The following TMEM163 variants were observed in gnomAD, a reference collection of about 807,000 sequenced individuals.
TMEM163 encodes transmembrane protein 163.
TMEM163 carries 17 observed loss-of-function variants against 29.3 expected under a neutral mutation model. The ratio of observed to expected loss-of-function variants is 0.58; its 90% confidence interval spans 0.40 to 0.87. The LOEUF (loss-of-function observed/expected upper bound fraction) is 0.87, where lower values mean the gene tolerates loss of function less well. Among genes scored for constraint, TMEM163 ranks in the 40% least tolerant of loss-of-function variants. The pLI is 0.00. For missense variants in TMEM163, 303 were observed against 381.5 expected, an observed-to-expected ratio of 0.79 and a Z score of 1.71; for synonymous variants, 157 against 160.6, an observed-to-expected ratio of 0.98 and a Z score of 0.17.
At chr2:134,481,441 T>C (rs2106479576) in intron 5 of TMEM163, among the ~76,000 whole-genome samples, 1 of 151,844 alleles carries the variant, frequency 6.6e-6, no homozygotes, top group African/African-American at 2.4e-5. Context: ...AGAGATCTGA[T>C]GGTTTTATAA....
intron 5 of TMEM163, chr2:134,469,252 G>A (rs1043877578): frequency 2.0e-5 from 3 of 151,976 alleles, no homozygotes; most frequent in African/African-American, 4.8e-5. Context: ...TTCATCTCGG[G>A]GGAGCTCTCG....
intron 5 of TMEM163, among the ~76,000 whole-genome samples, chr2:134,488,750 G>A (rs1277711015): frequency 1.3e-5 from 2 of 152,066 alleles, no homozygotes; most frequent in South Asian, 2.1e-4. Context: ...CTGGTACCTG[G>A]AACACAGATA....
intron 2 of TMEM163, among the ~76,000 whole-genome samples, chr2:134,606,642 A>G (rs1682373251): frequency 6.6e-6 from 1 of 152,100 alleles, no homozygotes; most frequent in South Asian, 2.1e-4. Context: ...GCGCCCCAGC[A>G]CCTATAGATG....
chr2:134,701,916 C>CAAAAA (rs71301801), intron 2 of TMEM163, among the ~76,000 whole-genome samples: 48 of 66,458 alleles, frequency 7.2e-4, no homozygotes, highest in African/African-American at 8.9e-4. Context: ...AAAACTGTCT[C>CAAAAA]AAAAAAAAAA....
intron 2 of TMEM163, among the ~76,000 whole-genome samples, chr2:134,641,304 C>G (rs1264069565): frequency 1.3e-5 from 2 of 152,198 alleles, no homozygotes; most frequent in Non-Finnish European, 2.9e-5. Flanking sequence ...AAAATGGACT[C>G]TGATTCCCAC....
At chr2:134,606,030 G>T (rs76811288) in intron 2 of TMEM163, among the ~76,000 whole-genome samples, 1,880 of 152,198 alleles carry the variant, frequency 0.012, 48 homozygotes, top group African/African-American at 0.041. Flanking sequence ...GAGTATACGC[G>T]GGGGGCAGTG....
chr2:134,469,183 C>G (rs1253540811), intron 5 of TMEM163: 2 of 152,034 alleles, frequency 1.3e-5, no homozygotes, highest in Non-Finnish European at 2.9e-5. Flanking sequence ...GAGACCAGGA[C>G]TGAGCTCCAC....
intron 4 of TMEM163, among the ~76,000 whole-genome samples, chr2:134,530,309 T>C (rs559779876): frequency 2.0e-5 from 3 of 152,308 alleles, no homozygotes; most frequent in Admixed American, 2.0e-4. Context: ...TCTCACTCTG[T>C]TGCCCAGGCT....
intron 2 of TMEM163, among the ~76,000 whole-genome samples, chr2:134,710,949 T>C (rs1036972181): frequency 6.6e-5 from 10 of 152,242 alleles, no homozygotes; most frequent in African/African-American, 1.9e-4. Context: ...TGGACAGAGA[T>C]GCAGGAAGTC....
intron 4 of TMEM163, among the ~76,000 whole-genome samples, chr2:134,546,879 G>A (rs1239266341): frequency 6.6e-6 from 1 of 152,034 alleles, no homozygotes; most frequent in Non-Finnish European, 1.5e-5. Context: ...TGTGTCACAT[G>A]CTACAAAAAA....
chr2:134,667,834 A>G (rs571045944), intron 2 of TMEM163, among the ~76,000 whole-genome samples: 1 of 152,356 alleles, frequency 6.6e-6, no homozygotes, highest in East Asian at 1.9e-4. Flanking sequence ...TGAAATAGGA[A>G]GAAAAAGCAA....
chr2:134,503,800 C>A (rs985753540), intron 4 of TMEM163, among the ~76,000 whole-genome samples: 31 of 152,034 alleles, frequency 2.0e-4, no homozygotes, highest in African/African-American at 6.8e-4. Flanking sequence ...TGGGGACTGG[C>A]AAAGAAGGCT....
intron 2 of TMEM163, among the ~76,000 whole-genome samples, chr2:134,649,734 G>A (rs1455977035): frequency 6.6e-6 from 1 of 152,078 alleles, no homozygotes; most frequent in Non-Finnish European, 1.5e-5. Flanking sequence ...GCCTATATAG[G>A]CTGAGCATGG....
chr2:134,466,465 T>C (rs1686671558), intron 5 of TMEM163: 5 of 461,718 alleles, frequency 1.1e-5, no homozygotes, highest in Non-Finnish European at 1.6e-5. Flanking sequence ...GTATTTATTT[T>C]CCTGTAGGAG....
chr2:134,684,842 G>T (rs1316688260), intron 2 of TMEM163, among the ~76,000 whole-genome samples: 1 of 150,846 alleles, frequency 6.6e-6, no homozygotes, highest in Non-Finnish European at 1.5e-5. Flanking sequence ...AGAATTGCTT[G>T]AACCCGGGAG....
chr2:134,625,526 A>G (rs926542338), intron 2 of TMEM163, among the ~76,000 whole-genome samples: 4 of 152,222 alleles, frequency 2.6e-5, no homozygotes, highest in African/African-American at 9.7e-5. Flanking sequence ...ACAATAGGCA[A>G]ACAGGCATTT....
At chr2:134,612,127 C>A (rs766175412) in intron 2 of TMEM163, among the ~76,000 whole-genome samples, 10 of 152,180 alleles carry the variant, frequency 6.6e-5, no homozygotes, top group Admixed American at 3.3e-4. Context: ...CAAAGTATTG[C>A]CACTATTTGA....
intron 2 of TMEM163, among the ~76,000 whole-genome samples, chr2:134,637,832 C>T (rs1683138448): frequency 6.6e-6 from 1 of 152,090 alleles, no homozygotes; most frequent in Non-Finnish European, 1.5e-5. Flanking sequence ...TGTTTTGGGT[C>T]TTTATTTGGA....
chr2:134,707,302 C>T (rs968540813), intron 2 of TMEM163, among the ~76,000 whole-genome samples: 3 of 152,116 alleles, frequency 2.0e-5, no homozygotes, highest in African/African-American at 4.8e-5. Flanking sequence ...ACATGAGGAG[C>T]GGCCAGAAGT....
Sources: allele counts gnomAD v4.1 joint callset (sites outside exome capture counted in the v4.1 genomes callset), GRCh38; gene constraint gnomAD v4.1.1; transcripts MANE v1.5; gene names NCBI Gene and HGNC (gene_info 2026-07-23, HGNC 2026-07-21).